PCSK5: variants seen among roughly 807,000 people sequenced by gnomAD.
The protein encoded by PCSK5 is proprotein convertase subtilisin/kexin type 5.
In PCSK5, 129 loss-of-function variants were observed where a neutral mutation model predicts 233.2. The ratio of observed to expected loss-of-function variants is 0.55; its 90% CI spans 0.48 to 0.64. PCSK5 has a LOEUF of 0.64. Among genes scored for constraint, PCSK5 ranks in the 30% least tolerant of loss-of-function variants. The pLI, the probability that PCSK5 is intolerant of heterozygous loss-of-function variation, is 0.00. For missense variants in PCSK5, 2,076 were observed against 2,430.1 expected, an observed-to-expected ratio of 0.85 and a Z score of 3.06; for synonymous variants, 825 against 879.2, an observed-to-expected ratio of 0.94 and a Z score of 1.09.
chr9:76,082,752 A>T (rs1267449692), intron 7 of PCSK5, among the ~76,000 whole-genome samples: 1 of 152,102 alleles, frequency 6.6e-6, no homozygotes, highest in South Asian at 2.1e-4. Flanking sequence ...TGCAATCGAT[A>T]TTCATCAGCA....
At chr9:76,086,744 G>A (rs180723185) in intron 7 of PCSK5, among the ~76,000 whole-genome samples, 20 of 152,262 alleles carry the variant, frequency 1.3e-4, no homozygotes, top group African/African-American at 4.6e-4. Context: ...AGGCAAGACT[G>A]GGTGCATTCT....
chr9:76,242,434 A>G (rs1826459315), intron 24 of PCSK5, among the ~76,000 whole-genome samples: 1 of 152,212 alleles, frequency 6.6e-6, no homozygotes, highest in Non-Finnish European at 1.5e-5. Context: ...TGATGCTTAT[A>G]TTACTGGATA....
chr9:75,924,365 A>C (rs956222303), intron 1 of PCSK5, among the ~76,000 whole-genome samples: 4 of 152,196 alleles, frequency 2.6e-5, no homozygotes, highest in Non-Finnish European at 5.9e-5. Flanking sequence ...TCTAAAAAAA[A>C]ATAGCTTTTT....
At chr9:76,201,911 G>A (rs1027047068) in intron 20 of PCSK5, among the ~76,000 whole-genome samples, 1 of 152,152 alleles carries the variant, frequency 6.6e-6, no homozygotes, top group South Asian at 2.1e-4. Context: ...TTAGCATGCT[G>A]AAAGTTAATA....
chr9:76,131,785 G>C (rs935445693), intron 9 of PCSK5, among the ~76,000 whole-genome samples: 1 of 152,116 alleles, frequency 6.6e-6, no homozygotes, highest in Non-Finnish European at 1.5e-5. Context: ...TTGCCCTGGT[G>C]ACAGGTAACA....
rs1830319853 is a variant in PCSK5 at position 76,357,063 on chromosome 9, C to T, written c.5255-1450C>T. 1.3e-5 allele frequency among the ~76,000 whole-genome samples: 2 copies of T among 152,198 alleles called. 1 individual carries two copies. The highest frequency in any genetic ancestry group is 4.1e-4 in the South Asian group (2 of 4,820). On this transcript the variant is annotated intron_variant, in intron 37 of 37. Transcript: ENST00000674117. ...AAAAAAATAGACATATTACCCAAAT[C>T]ATACCACCTGGAAAAATGAATAAGA...
chr9:76,053,449 A>G (rs1345701684), intron 5 of PCSK5, among the ~76,000 whole-genome samples: 3 of 152,142 alleles, frequency 2.0e-5, no homozygotes, highest in Non-Finnish European at 4.4e-5. Context: ...CTTCTTTTCT[A>G]TTGCTTCGTT....
chr9:75,963,537 G>A (rs2131348353), intron 2 of PCSK5, among the ~76,000 whole-genome samples: 1 of 152,196 alleles, frequency 6.6e-6, no homozygotes. Context: ...GTGTGGGCTG[G>A]GGGTAGTGTT....
chr9:76,327,102 A>ATTT lies in PCSK5; in HGVS notation c.4340-890_4340-888dup, dbSNP rs56100078. Among the ~76,000 whole-genome samples, 488 of 128,174 alleles carry ATTT rather than the reference A, an allele frequency of 3.8e-3. 9 individuals are homozygous for ATTT. The highest frequency in any genetic ancestry group is 5.3e-3 in the Non-Finnish European group (326 of 61,502). The allele number at this position is 128,174 out of a possible 152,430, so 84.1% of individuals were successfully genotyped here. A position where few individuals can be genotyped will look rare whatever the true frequency, so the allele number is the denominator to read the frequency against. On this transcript the variant is annotated intron_variant, in intron 32 of 37. Transcript: ENST00000674117. Reference sequence around the variant, plus strand: ...GGCAGCAAAGTGAAGGCCCATCTCTATTTTTTTTTTTTTTTTTTTCCTGAG... The same window carrying ATTT: ...GGCAGCAAAGTGAAGGCCCATCTCTATTTTTTTTTTTTTTTTTTTTTTCCTGAG...
rs769690482 is a variant in PCSK5, at chr9:76,233,499, A to G, written c.2769A>G (p.Ser923=). ...DDGRCVSNCP[S]WKFEFENQCH... is the part of the protein sequence containing the mutation. ...GCCGCTGTGTTTCGAACTGCCCCTC[A>G]TGGAAATTTGAATTTGAGAACCAAT... The change falls in exon 22 of 38, where the codon TCA becomes TCG. Residue 923 remains serine, a synonymous_variant. Transcript: ENST00000674117. 1.2e-6 allele frequency: 2 copies of G among 1,612,720 alleles called. No individual in the cohort carries two copies. The highest frequency in any genetic ancestry group is 1.7e-6 in the Non-Finnish European group (2 of 1,179,820).
chr9:75,976,276 ACAC>A (rs1245025751), intron 2 of PCSK5, among the ~76,000 whole-genome samples: 3 of 6,264 alleles, frequency 4.8e-4, no homozygotes, highest in Non-Finnish European at 2.2e-3. Context: ...CACAGACACC[ACAC>A]ACACACACAC....
At chr9:76,273,596 T>TATATATATATATA (rs397822892) in intron 24 of PCSK5, among the ~76,000 whole-genome samples, 13 of 145,110 alleles carry the variant, frequency 9.0e-5, no homozygotes, top group East Asian at 8.0e-4. Context: ...TATATATATA[T>TATATATATATATA]TTGTACTGCT....
intron 35 of PCSK5, among the ~76,000 whole-genome samples, chr9:76,348,426 A>C (rs1451813526): frequency 1.3e-5 from 2 of 151,774 alleles, no homozygotes; most frequent in African/African-American, 4.8e-5. Flanking sequence ...AAAACTAAAG[A>C]ATATATATTA....
chr9:76,331,552 A>C (rs1829535664), intron 33 of PCSK5, among the ~76,000 whole-genome samples: 1 of 152,108 alleles, frequency 6.6e-6, no homozygotes, highest in Non-Finnish European at 1.5e-5. Flanking sequence ...CTGTAGTCCC[A>C]GCTACTCGGG....
At chr9:76,166,490 G>A (rs573878409) in intron 12 of PCSK5, among the ~76,000 whole-genome samples, 1 of 152,304 alleles carries the variant, frequency 6.6e-6, no homozygotes, top group South Asian at 2.1e-4. Context: ...GAAACGTAGG[G>A]TCTGCTAATC....
At chr9:76,043,221 T>C (rs1190723850) in intron 5 of PCSK5, among the ~76,000 whole-genome samples, 2 of 150,636 alleles carry the variant, frequency 1.3e-5, no homozygotes, top group Non-Finnish European at 2.9e-5. Context: ...GGCGGGCGCC[T>C]GTAGTCCCAG....
intron 35 of PCSK5, among the ~76,000 whole-genome samples, chr9:76,349,077 C>T (rs1465326381): frequency 3.3e-5 from 5 of 151,070 alleles, no homozygotes; most frequent in Non-Finnish European, 7.4e-5. Context: ...CGAGACCATC[C>T]TGGCTAACAC....
intron 20 of PCSK5, chr9:76,194,603 GT>G (rs201037106): frequency 0.021 from 6,017 of 281,978 alleles, 30 homozygotes; most frequent in African/African-American, 0.043. Flanking sequence ...GTTTTTTGGG[GT>G]TTTTTTTTTT....
At position 76,295,307 on chromosome 9, in the gene PCSK5, A is replaced by G. The variant is rs766417447; in HGVS notation, c.3218A>G (p.Glu1073Gly). 6.2e-7 allele frequency: 1 copy of G among 1,611,972 alleles called. No individual in the cohort carries two copies. The highest frequency in any genetic ancestry group is 1.7e-5 in the Admixed American group (1 of 59,968). The change falls in exon 26 of 38, where the codon GAG becomes GGG. Residue 1073 changes from glutamate to glycine, a missense_variant. Physicochemically the swap from Glu to Gly is moderately conservative, Grantham distance 98. This residue lies in a region of PCSK5 where 1,510 missense variants were observed against 1,538.1 expected (regional missense o/e 0.98). Transcript: ENST00000674117. ...CACCATTGTTATAAAACCTGTCCTG[A>G]GAAGACCTACAGTGAGGAAGTGGAA... ...FDHHCYKTCP[E>G]KTYSEEVECK...
Sources: gnomAD v4.1 joint callset for allele counts (sites outside exome capture counted in the v4.1 genomes callset) on GRCh38, gnomAD v4.1.1 for gene constraint, gnomAD v4.1.1 regional missense constraint, MANE v1.5 for transcripts, NCBI Gene and HGNC (gene_info 2026-07-23, HGNC 2026-07-21) for gene names.